The following ZNF654 variants were observed in gnomAD, a reference collection of about 807,000 sequenced individuals.
ZNF654 encodes melanoma-associated antigen.
Under a neutral mutation model 95.3 loss-of-function variants are expected in ZNF654, and 19 were observed. The observed-to-expected ratio is 0.20, with a 90% CI of 0.14 to 0.29. The LOEUF is 0.29. ZNF654 is among the 10% of genes least tolerant of loss of function. The pLI is 1.00. For missense variants in ZNF654, 1,046 were observed against 1,341.0 expected (o/e 0.78, Z 3.44); for synonymous variants, 413 against 457.9 (o/e 0.90, Z 1.25).
At chr3:88,062,910 AG>A (rs2107585348) in intron 1 of ZNF654, among the ~76,000 whole-genome samples, 1 of 152,344 alleles carries the variant, frequency 6.6e-6, no homozygotes, top group East Asian at 1.9e-4. Flanking sequence ...GAGGGACATT[AG>A]AGATAATCTG....
intron 6 of ZNF654, among the ~76,000 whole-genome samples, chr3:88,133,288 C>T: frequency 6.6e-6 from 1 of 152,140 alleles, no homozygotes; most frequent in Non-Finnish European, 1.5e-5. Flanking sequence ...ACTCCAATCA[C>T]TGTATAATGC....
At chr3:88,070,555 C>A in intron 1 of ZNF654, among the ~76,000 whole-genome samples, 1 of 136,312 alleles carries the variant, frequency 7.3e-6, no homozygotes, top group Non-Finnish European at 1.5e-5. Flanking sequence ...GCAAAGGCAA[C>A]ACTGCCTGTT....
At chr3:88,074,941 T>A (rs780816987) in intron 1 of ZNF654, among the ~76,000 whole-genome samples, 6 of 152,122 alleles carry the variant, frequency 3.9e-5, no homozygotes, top group Non-Finnish European at 8.8e-5. Context: ...GGAAAACTCA[T>A]CAAGTGTTTA....
chr3:88,061,991 C>G (rs1283881985), intron 1 of ZNF654, among the ~76,000 whole-genome samples: 1 of 152,024 alleles, frequency 6.6e-6, no homozygotes, highest in East Asian at 1.9e-4. Context: ...GTTGTGTGGG[C>G]AAAGGGAGAG....
At chr3:88,129,050 C>T in intron 5 of ZNF654, 39 bp downstream of exon 5, 1 of 1,441,130 alleles carries the variant, frequency 6.9e-7, no homozygotes, top group Admixed American at 2.7e-5. Context: ...ACCATTTTAA[C>T]CCTACCAAAA....
intron 8 of ZNF654, 113 bp downstream of exon 8, chr3:88,141,161 T>A: frequency 8.2e-7 from 1 of 1,219,266 alleles, no homozygotes; most frequent in Non-Finnish European, 1.1e-6. Context: ...GCACAGGTAG[T>A]GAAGCATTAC....
rs1243780280 is a variant in ZNF654, at chr3:88,086,383, G to A, written c.313G>A (p.Val105Ile). The A allele has an allele frequency of 6.5e-7, 1 of 1,532,470 alleles. No individual in the cohort carries two copies. Among genetic ancestry groups the A allele is most frequent in the Non-Finnish European group, 8.7e-7 (1 of 1,144,742 alleles). 94.9% of individuals were successfully genotyped at this position (1,532,470 alleles called of 1,614,324 possible). The part of the protein sequence containing the change: ...FPDECEHVQY[V>I]LSSLAVSFFE... ...AGATGAATGTGAGCATGTACAATAT[G>A]TTTTGAGTAGCCTTGCTGTGTAAGT... Residue 105 changes from valine to isoleucine, a missense_variant, in exon 2 of 9, where the codon GTT (valine) becomes ATT (isoleucine). This residue lies in a region of ZNF654 where 91 missense variants were observed against 190.5 expected (regional missense o/e 0.48). Coordinates refer to ENST00000636215, the MANE Select transcript of ZNF654 (RefSeq NM_001350134.2).
chr3:88,111,640 A>T (rs1045042979), intron 2 of ZNF654, among the ~76,000 whole-genome samples: 3 of 151,980 alleles, frequency 2.0e-5, no homozygotes, highest in Middle Eastern at 6.3e-3. Context: ...TCTATAAACC[A>T]TTTGTAATGT....
chr3:88,088,418 T>C (rs1260863423), intron 2 of ZNF654, among the ~76,000 whole-genome samples: 1 of 152,130 alleles, frequency 6.6e-6, no homozygotes, highest in East Asian at 1.9e-4. Flanking sequence ...ATTAGCATTT[T>C]TAGAGAGAAT....
intron 2 of ZNF654, among the ~76,000 whole-genome samples, chr3:88,092,475 T>C (rs1703801646): frequency 6.6e-6 from 1 of 152,168 alleles, no homozygotes; most frequent in African/African-American, 2.4e-5. Context: ...AGCAAAAATG[T>C]GCTGGGTGAG....
intron 2 of ZNF654, among the ~76,000 whole-genome samples, chr3:88,091,489 T>TCCA (rs1425562743): frequency 3.3e-5 from 5 of 152,352 alleles, no homozygotes; most frequent in Middle Eastern, 3.4e-3. Context: ...TAATCTTTGT[T>TCCA]AACTTTAGTG....
At chr3:88,073,612 A>T (rs748514462) in intron 1 of ZNF654, among the ~76,000 whole-genome samples, 1 of 152,232 alleles carries the variant, frequency 6.6e-6, no homozygotes, top group Non-Finnish European at 1.5e-5. Flanking sequence ...AAAGAATTCT[A>T]TGAAATTATA....
Position 88,129,839 on chromosome 3 carries a change from A to T in ZNF654, c.893+13A>T, listed in dbSNP as rs1706339025. On this transcript the variant is annotated intron_variant, in intron 6 of 8. Transcript: ENST00000636215. ...TGTACTGTATCTGGTAAGTGTTTGT[A>T]AATAAAGAAATTGAAATGGTAAGAT... 1.4e-6 allele frequency: 2 copies of T among 1,406,788 alleles called. No individual in the cohort carries two copies. Among genetic ancestry groups the T allele is most frequent in the East Asian group, 5.1e-5 (2 of 39,298 alleles). 87.1% of individuals were successfully genotyped at this position (1,406,788 alleles called of 1,614,324 possible).
chr3:88,113,225 T>C (rs1705198465), intron 3 of ZNF654, 29 bp downstream of exon 3: 2 of 1,392,706 alleles, frequency 1.4e-6, no homozygotes, highest in African/African-American at 1.4e-5. Flanking sequence ...CTTCACACTT[T>C]GTCTACACTT....
At chr3:88,101,197 T>C (rs1704401543) in intron 2 of ZNF654, among the ~76,000 whole-genome samples, 1 of 152,166 alleles carries the variant, frequency 6.6e-6, no homozygotes, top group Non-Finnish European at 1.5e-5. Flanking sequence ...GTAAGTTTTA[T>C]AGAGTTGTGC....
chr3:88,069,400 T>A (rs1196367970), intron 1 of ZNF654, among the ~76,000 whole-genome samples: 2 of 152,180 alleles, frequency 1.3e-5, no homozygotes, highest in African/African-American at 2.4e-5. Context: ...TCAGCCTGGG[T>A]GACAAAGTGA....
At chr3:88,086,535 T>C in intron 2 of ZNF654, 133 bp downstream of exon 2, 1 of 816,874 alleles carries the variant, frequency 1.2e-6, no homozygotes, top group Non-Finnish European at 1.8e-6. Flanking sequence ...TTTTTTTCAC[T>C]GAAGTATTCA....
At chr3:88,078,828 C>T (rs1023671205) in intron 1 of ZNF654, among the ~76,000 whole-genome samples, 1 of 152,058 alleles carries the variant, frequency 6.6e-6, no homozygotes, top group Non-Finnish European at 1.5e-5. Flanking sequence ...TGACTTAACA[C>T]TGTTGACTAA....
intron 1 of ZNF654, among the ~76,000 whole-genome samples, chr3:88,071,759 G>A (rs1043818700): frequency 6.6e-6 from 1 of 152,014 alleles, no homozygotes; most frequent in African/African-American, 2.4e-5. Context: ...AGCTGAGATC[G>A]TACCATTGCA....
Sources: gnomAD v4.1 joint callset for allele counts (sites outside exome capture counted in the v4.1 genomes callset) on GRCh38, gnomAD v4.1.1 for gene constraint, gnomAD v4.1.1 regional missense constraint, MANE v1.5 for transcripts, NCBI Gene and HGNC (gene_info 2026-07-23, HGNC 2026-07-21) for gene names.